The following ALDH1A2 variants were observed in gnomAD, a reference collection of about 807,000 sequenced individuals.
The protein encoded by ALDH1A2 is retinal dehydrogenase 2.
In ALDH1A2, 27 loss-of-function variants were observed where a neutral mutation model predicts 60.3. The ratio of observed to expected loss-of-function variants is 0.45; its 90% confidence interval spans 0.33 to 0.62. The LOEUF (loss-of-function observed/expected upper bound fraction) is 0.62. Among genes scored for constraint, ALDH1A2 ranks in the 20% least tolerant of loss-of-function variants. The pLI, the probability that ALDH1A2 is intolerant of heterozygous loss-of-function variation, is 0.02. For synonymous variants in ALDH1A2, 289 were observed against 232.4 expected (o/e 1.24, Z -2.21); for missense variants, 581 against 643.8 (o/e 0.90, Z 1.06).
intron 7 of ALDH1A2, among the ~76,000 whole-genome samples, chr15:57,973,612 T>C (rs1894142669): frequency 6.6e-6 from 1 of 152,220 alleles, no homozygotes; most frequent in African/African-American, 2.4e-5. Flanking sequence ...ATCGTTTGAT[T>C]TGCCTGTGAA....
chr15:57,972,051 C>T (rs959135480), intron 7 of ALDH1A2, among the ~76,000 whole-genome samples: 4 of 152,140 alleles, frequency 2.6e-5, no homozygotes, highest in Non-Finnish European at 4.4e-5. Flanking sequence ...TGATTGAGCA[C>T]CTATTCTGTC....
chr15:58,020,407 A>G (rs1345718925), intron 1 of ALDH1A2, among the ~76,000 whole-genome samples: 1 of 152,232 alleles, frequency 6.6e-6, no homozygotes, highest in Non-Finnish European at 1.5e-5. Flanking sequence ...GGTCAGAAAT[A>G]CAGTACCTCC....
chr15:57,985,594 G>A (rs1463489630), intron 7 of ALDH1A2, among the ~76,000 whole-genome samples: 3 of 152,144 alleles, frequency 2.0e-5, no homozygotes, highest in Admixed American at 1.3e-4. Context: ...TAAAGCAGGG[G>A]AGGGTTCTAC....
intron 1 of ALDH1A2, among the ~76,000 whole-genome samples, chr15:58,057,460 G>A (rs1004805564): frequency 6.6e-6 from 1 of 151,870 alleles, no homozygotes; most frequent in Non-Finnish European, 1.5e-5. Context: ...AAGAAATGGG[G>A]GCTTCAATTT....
chr15:57,978,606 A>C (rs2044071), intron 7 of ALDH1A2, among the ~76,000 whole-genome samples: 1 of 151,832 alleles, frequency 6.6e-6, no homozygotes, highest in Non-Finnish European at 1.5e-5. Flanking sequence ...GTCCACAGTC[A>C]TATTTCACAT....
At chr15:58,034,595 G>C (rs1218208509) in intron 1 of ALDH1A2, among the ~76,000 whole-genome samples, 1 of 151,526 alleles carries the variant, frequency 6.6e-6, no homozygotes, top group Non-Finnish European at 1.5e-5. Flanking sequence ...GTTAGCTATA[G>C]GTTTTATGTA....
At chr15:58,046,945 C>T (rs967962559) in intron 1 of ALDH1A2, among the ~76,000 whole-genome samples, 3 of 152,020 alleles carry the variant, frequency 2.0e-5, no homozygotes, top group Non-Finnish European at 4.4e-5. Flanking sequence ...CAACAGTTAG[C>T]TGGATAAAGA....
intron 1 of ALDH1A2, among the ~76,000 whole-genome samples, chr15:58,019,186 T>G (rs533343796): frequency 6.6e-6 from 1 of 152,298 alleles, no homozygotes; most frequent in African/African-American, 2.4e-5. Flanking sequence ...AGTGTCATCT[T>G]TCAGTGCCTA....
intron 7 of ALDH1A2, among the ~76,000 whole-genome samples, chr15:57,975,704 CTG>C (rs1894226832): frequency 6.6e-6 from 1 of 151,944 alleles, no homozygotes; most frequent in South Asian, 2.1e-4. Flanking sequence ...CTCAAAATAA[CTG>C]TGCTGAGTAA....
At chr15:57,969,331 G>A (rs184161684) in intron 7 of ALDH1A2, among the ~76,000 whole-genome samples, 82 of 152,258 alleles carry the variant, frequency 5.4e-4, no homozygotes, top group African/African-American at 1.9e-3. Flanking sequence ...AAAAAAATCT[G>A]GGTCTCATTT....
intron 1 of ALDH1A2, among the ~76,000 whole-genome samples, chr15:58,052,664 G>A (rs116049307): frequency 2.0e-5 from 3 of 152,070 alleles, no homozygotes; most frequent in South Asian, 2.1e-4. Context: ...TTGTTCATTC[G>A]CTAATTCAAT....
rs531317676 is a variant in ALDH1A2, at chr15:57,971,488, T to G, written c.799-5661A>C. Among the ~76,000 whole-genome samples the G allele has an allele frequency of 7.9e-5, 12 of 152,330 alleles. 2 individuals carry two copies. The highest frequency in any genetic ancestry group is 2.9e-4 in the African/African-American group (12 of 41,586). On this transcript the variant is annotated intron_variant, in intron 7 of 12. Coordinates refer to ENST00000249750, the MANE Select transcript of ALDH1A2 (RefSeq NM_003888.4). ...TTGCCAAGGTTGAACTGTAGTAGTA[T>G]GATTATGGCTCACTGCATCCTTGAA...
At chr15:58,007,386 T>C (rs1251823669) in intron 4 of ALDH1A2, among the ~76,000 whole-genome samples, 17 of 151,908 alleles carry the variant, frequency 1.1e-4, no homozygotes, top group African/African-American at 4.1e-4. Flanking sequence ...TGCACTGGGG[T>C]AAAGACTTCA....
At chr15:58,001,034 T>TAAAAAAAAA (rs10641902) in intron 4 of ALDH1A2, among the ~76,000 whole-genome samples, 12 of 126,196 alleles carry the variant, frequency 9.5e-5, no homozygotes, top group Non-Finnish European at 1.3e-4. Context: ...TCAAAATTGT[T>TAAAAAAAAA]AAAAAAAAAA....
Position 57,993,021 on chromosome 15 carries a change from C to G in ALDH1A2, c.608G>C (p.Cys203Ser). The G allele has an allele frequency of 6.2e-7, 1 of 1,613,566 alleles. No individual in the cohort carries two copies. The highest frequency in any genetic ancestry group is 8.5e-7 in the Non-Finnish European group (1 of 1,179,968). The change falls in exon 6 of 13, where the codon TGT (cysteine) becomes TCT (serine). Residue 203 changes from cysteine (C) to serine (S), a missense_variant. By Grantham distance (112) the Cys-to-Ser change is moderately radical (BLOSUM62 -1). Transcript: ENST00000249750. ...TGGCTTAATAACTACTGTATTGCCA[C>G]AGCACAAAGCTGGAGCTATTTTCCA... ...FAWKIAPALCCGNTVVIKPAE... is the reference protein window; with the variant it reads ...FAWKIAPALCSGNTVVIKPAE...
chr15:57,988,397 A>T (rs752514326), intron 7 of ALDH1A2, among the ~76,000 whole-genome samples: 17 of 152,254 alleles, frequency 1.1e-4, no homozygotes, highest in Non-Finnish European at 2.2e-4. Context: ...GCAGACAAAG[A>T]GGGAAAATAT....
intron 1 of ALDH1A2, among the ~76,000 whole-genome samples, chr15:58,062,967 C>A (rs923110417): frequency 1.3e-5 from 2 of 152,138 alleles, no homozygotes; most frequent in Admixed American, 1.3e-4. Flanking sequence ...CTCTAGCAGG[C>A]AAAGGCAGTA....
intron 4 of ALDH1A2, among the ~76,000 whole-genome samples, chr15:58,004,676 G>A (rs557632544): frequency 5.4e-4 from 79 of 146,382 alleles, no homozygotes; most frequent in Admixed American, 9.1e-4. Context: ...TTTTATGGCT[G>A]TGTAGTATCC....
chr15:58,057,252 AC>A (rs537226651), intron 1 of ALDH1A2, among the ~76,000 whole-genome samples: 13 of 152,206 alleles, frequency 8.5e-5, no homozygotes, highest in Non-Finnish European at 1.6e-4. Flanking sequence ...AATTATAAGT[AC>A]ATCCAACAAC....
Sources: gnomAD v4.1 joint callset for allele counts (sites outside exome capture counted in the v4.1 genomes callset) on GRCh38, gnomAD v4.1.1 for gene constraint, MANE v1.5 for transcripts, NCBI Gene and HGNC (gene_info 2026-07-23, HGNC 2026-07-21) for gene names.